The following RAD51B variants were observed in gnomAD, a reference collection of about 807,000 sequenced individuals.
The protein encoded by RAD51B is DNA repair protein RAD51 homolog 2.
A neutral mutation model predicts 42.2 loss-of-function variants in RAD51B; 38 were observed. That is an observed-to-expected ratio of 0.90 (90% CI 0.70 to 1.18). The LOEUF is 1.18. Among genes scored for constraint, RAD51B ranks in the 50% most tolerant of loss-of-function variants. The pLI is 0.00. For missense variants in RAD51B, 373 were observed against 400.7 expected (o/e 0.93, Z 0.59); for synonymous variants, 154 against 145.2 (o/e 1.06, Z -0.43).
At chr14:67,956,498 G>GAAATAAAATA (rs61449852) in intron 7 of RAD51B, among the ~76,000 whole-genome samples, 2 of 151,306 alleles carry the variant, frequency 1.3e-5, no homozygotes, top group Non-Finnish European at 2.9e-5. Flanking sequence ...GAAATGAAAT[G>GAAATAAAATA]AAATAAAATA....
Position 68,005,049 on chromosome 14 carries a change from T to G in RAD51B, c.756+117845T>G, listed in dbSNP as rs867260237. On this transcript the variant is annotated intron_variant, in intron 7 of 10. Transcript: ENST00000471583. ...CATTCTACTGTGTGTGTGTGTGTTTTTTTTTTTTTTTTTTTTTTTTTTTGA... is the reference window on the plus strand; with the variant it reads ...CATTCTACTGTGTGTGTGTGTGTTTGTTTTTTTTTTTTTTTTTTTTTTTGA... Among the ~76,000 whole-genome samples, 197 of 91,498 alleles carry G rather than the reference T, an allele frequency of 2.2e-3. 1 individual carries two copies. Among genetic ancestry groups the G allele is most frequent in the African/African-American group, 8.0e-3 (143 of 17,868 alleles). 60.0% of individuals were successfully genotyped at this position (91,498 alleles called of 152,430 possible).
chr14:68,443,146 G>C (rs2140166150), intron 9 of RAD51B, among the ~76,000 whole-genome samples: 1 of 152,306 alleles, frequency 6.6e-6, no homozygotes, highest in South Asian at 2.1e-4. Context: ...GAAAATCCCA[G>C]GGCTGGAAAC....
chr14:68,010,589 A>T (rs1473460758), intron 7 of RAD51B, among the ~76,000 whole-genome samples: 1 of 151,848 alleles, frequency 6.6e-6, no homozygotes, highest in East Asian at 1.9e-4. Context: ...GTGTCAGAAG[A>T]ATTCAGATGC....
intron 7 of RAD51B, among the ~76,000 whole-genome samples, chr14:68,139,876 G>C (rs528529082): frequency 1.3e-5 from 2 of 152,180 alleles, no homozygotes; most frequent in Non-Finnish European, 2.9e-5. Flanking sequence ...ACAGGCTCTA[G>C]AATGAGGTCT....
At chr14:67,971,949 A>G (rs1042989051) in intron 7 of RAD51B, among the ~76,000 whole-genome samples, 1 of 151,722 alleles carries the variant, frequency 6.6e-6, no homozygotes, top group African/African-American at 2.4e-5. Flanking sequence ...AAAAGATAGC[A>G]TTACCACAAC....
At chr14:68,069,155 G>C (rs2076700984) in intron 7 of RAD51B, among the ~76,000 whole-genome samples, 2 of 152,088 alleles carry the variant, frequency 1.3e-5, no homozygotes, top group South Asian at 4.1e-4. Context: ...TTTCTTTTTA[G>C]GCTACTGAGC....
In RAD51B at chr14:68,291,874, CTGTT is replaced by C. The variant is rs1303268578; in HGVS notation, c.757-9_757-6del. On this transcript the variant is annotated splice_polypyrimidine_tract_variant and splice_region_variant and intron_variant, in intron 7 of 10. Transcript: ENST00000471583. The stretch of plus-strand genomic sequence containing the variant: ...CTTGCCCCCTACCCCTTCTCCCTGT[CTGTT>C]CACAGGTTATCTTGACGAATCAGAT... 1 of 1,605,140 alleles carries C rather than the reference CTGTT, an allele frequency of 6.2e-7. No homozygotes were observed. Among genetic ancestry groups the C allele is most frequent in the African/African-American group, 1.3e-5 (1 of 74,660 alleles).
intron 10 of RAD51B, among the ~76,000 whole-genome samples, chr14:68,637,279 A>C (rs961914599): frequency 1.3e-5 from 2 of 151,988 alleles, no homozygotes; most frequent in Non-Finnish European, 2.9e-5. Flanking sequence ...GGCTCTTGCT[A>C]TGTTGTCCAG....
Position 68,110,237 on chromosome 14 carries a change from C to G in RAD51B, c.757-181647C>G, listed in dbSNP as rs575054520. Reference sequence around the variant, plus strand: ...GAGGCACTCTGTGGCATTCAAGATCCTAGGGGATTTGAAACTCAGAGAATG... The same window carrying G: ...GAGGCACTCTGTGGCATTCAAGATCGTAGGGGATTTGAAACTCAGAGAATG... On this transcript the variant is annotated intron_variant, in intron 7 of 10. Coordinates refer to ENST00000471583, the MANE Select transcript of RAD51B (RefSeq NM_133510.4). 1.1e-4 allele frequency among the ~76,000 whole-genome samples: 17 copies of G among 151,980 alleles called. No individual in the cohort carries two copies. The East Asian group carries it at 2.5e-3, about 22-fold the overall frequency.
chr14:68,165,077 C>T (rs1315821919), intron 7 of RAD51B, among the ~76,000 whole-genome samples: 2 of 152,128 alleles, frequency 1.3e-5, no homozygotes, highest in Non-Finnish European at 2.9e-5. Context: ...TTAAGTGTTA[C>T]CTTTGGAGTT....
chr14:67,865,279 C>G (rs536945475), intron 5 of RAD51B, 140 bp downstream of exon 5: 241 of 861,456 alleles, frequency 2.8e-4, no homozygotes, highest in Non-Finnish European at 3.5e-4. Flanking sequence ...GCTCTGTTGC[C>G]GGGCTGGAGT....
At chr14:67,832,090 T>A (rs2041072495) in intron 3 of RAD51B, among the ~76,000 whole-genome samples, 1 of 152,222 alleles carries the variant, frequency 6.6e-6, no homozygotes, top group African/African-American at 2.4e-5. Flanking sequence ...TTATATTACA[T>A]TTATGTTAGG....
intron 5 of RAD51B, among the ~76,000 whole-genome samples, chr14:67,875,803 A>G (rs935209575): frequency 6.6e-6 from 1 of 152,190 alleles, no homozygotes; most frequent in Admixed American, 6.6e-5. Flanking sequence ...GAGGCATAGC[A>G]GGGAGTGGTA....
intron 9 of RAD51B, among the ~76,000 whole-genome samples, chr14:68,462,830 G>A (rs1194405381): frequency 6.6e-6 from 1 of 152,182 alleles, no homozygotes; most frequent in African/African-American, 2.4e-5. Context: ...TGTGGGAGAT[G>A]GGATTAACTG....
intron 8 of RAD51B, among the ~76,000 whole-genome samples, chr14:68,320,857 A>G (rs1449275674): frequency 6.6e-6 from 1 of 152,118 alleles, no homozygotes; most frequent in Admixed American, 6.5e-5. Flanking sequence ...CATTTCTTAC[A>G]CTGTGGGCTA....
intron 7 of RAD51B, among the ~76,000 whole-genome samples, chr14:68,023,079 C>G (rs1306259703): frequency 6.6e-6 from 1 of 152,100 alleles, no homozygotes; most frequent in East Asian, 1.9e-4. Context: ...TAGGTTGATT[C>G]CATGTCTTTG....
intron 7 of RAD51B, among the ~76,000 whole-genome samples, chr14:68,237,595 C>A (rs1318166760): frequency 6.6e-6 from 1 of 152,168 alleles, no homozygotes; most frequent in African/African-American, 2.4e-5. Flanking sequence ...TCTCCTTACT[C>A]CCCATCCCAG....
chr14:68,077,787 C>G (rs1053850577), intron 7 of RAD51B, among the ~76,000 whole-genome samples: 1 of 152,176 alleles, frequency 6.6e-6, no homozygotes, highest in Non-Finnish European at 1.5e-5. Flanking sequence ...GAAACCCTGT[C>G]TCTACTAAAA....
chr14:68,576,883 A>C (rs1217162970), intron 10 of RAD51B, among the ~76,000 whole-genome samples: 1 of 152,160 alleles, frequency 6.6e-6, no homozygotes, highest in Non-Finnish European at 1.5e-5. Flanking sequence ...CTGGTGTGCA[A>C]GTATTTCAAG....
Sources: allele counts gnomAD v4.1 joint callset (sites outside exome capture counted in the v4.1 genomes callset), GRCh38; gene constraint gnomAD v4.1.1; transcripts MANE v1.5; gene names NCBI Gene and HGNC (gene_info 2026-07-23, HGNC 2026-07-21).